The following ATOSB variants were observed in gnomAD, a reference collection of about 807,000 sequenced individuals.
ATOSB encodes the protein atos homolog B, also known as atos homolog protein B.
chr9:35,114,385 C>G, the ATOSB span, among the ~76,000 whole-genome samples: 2 of 149,664 alleles, frequency 1.3e-5, no homozygotes, highest in Admixed American at 6.6e-5. Context: ...AGACCCACCC[C>G]CCTCCCCAGC....
At chr9:35,106,968 C>A in the ATOSB span, 1 of 1,288,464 alleles carries the variant, frequency 7.8e-7, no homozygotes, top group Admixed American at 2.0e-5. The surrounding 1 kb of genome is among the most constrained non-coding windows in gnomAD (Gnocchi z 4.6). Context: ...ATCACAAACT[C>A]TCAAAGGAAC....
At chr9:35,107,998 G>T in the ATOSB span, 10 of 1,580,384 alleles carry the variant, frequency 6.3e-6, no homozygotes, top group Admixed American at 5.5e-5. Context: ...GGTTCTTCAG[G>T]GGGTAGTCCC....
chr9:35,108,830 CCTT>C, the ATOSB span: 1 of 280,580 alleles, frequency 3.6e-6, no homozygotes, highest in African/African-American at 2.3e-5. Context: ...TCCAGGACAT[CCTT>C]CTCCCATGTG....
the ATOSB span, among the ~76,000 whole-genome samples, chr9:35,107,179 T>A: frequency 6.6e-6 from 1 of 151,612 alleles, no homozygotes; most frequent in Non-Finnish European, 1.5e-5. Flanking sequence ...AAAAATTAGC[T>A]GGGTGCAATG....
chr9:35,111,914 GCCCTTCC>G, the ATOSB span, among the ~76,000 whole-genome samples: 1 of 152,088 alleles, frequency 6.6e-6, no homozygotes, highest in South Asian at 2.1e-4. Flanking sequence ...CTACTCCCCC[GCCCTTCC>G]TCCTTCCAGG....
the ATOSB span, chr9:35,107,518 C>T: frequency 1.2e-6 from 2 of 1,601,054 alleles, no homozygotes; most frequent in Non-Finnish European, 1.7e-6. Context: ...TCAGAGCTGA[C>T]ATCTGGGGCT....
chr9:35,106,086 A>T, the ATOSB span: 1 of 1,534,662 alleles, frequency 6.5e-7, no homozygotes, highest in Non-Finnish European at 8.9e-7. The surrounding 1 kb of genome is among the most constrained non-coding windows in gnomAD (Gnocchi z 4.6). Flanking sequence ...CCTCTCCACA[A>T]GCTCTCACCC....
chr9:35,114,284 C>T, the ATOSB span, among the ~76,000 whole-genome samples: 34 of 152,202 alleles, frequency 2.2e-4, no homozygotes, highest in Admixed American at 2.2e-3. Context: ...GTCTGGGAAG[C>T]AGTGTTGCCA....
At chr9:35,107,119 C>T in the ATOSB span, among the ~76,000 whole-genome samples, 1 of 151,842 alleles carries the variant, frequency 6.6e-6, no homozygotes, top group Non-Finnish European at 1.5e-5. Context: ...CTCAGGAGTT[C>T]GAGACCAGCT....
the ATOSB span, among the ~76,000 whole-genome samples, chr9:35,113,238 G>A: frequency 6.6e-6 from 1 of 152,186 alleles, no homozygotes; most frequent in Non-Finnish European, 1.5e-5. Flanking sequence ...CCAGGCCTTG[G>A]TTACCTACAA....
the ATOSB span, chr9:35,108,419 A>T: frequency 1.4e-6 from 2 of 1,406,104 alleles, no homozygotes; most frequent in Non-Finnish European, 1.8e-6. Flanking sequence ...GCTGAGTTTC[A>T]GACCCTCTCC....
At chr9:35,106,170 GA>G in the ATOSB span, 1 of 1,582,032 alleles carries the variant, frequency 6.3e-7, no homozygotes, top group Non-Finnish European at 8.6e-7. This position sits in a 1 kb window ranked among gnomAD's most constrained non-coding sequence, Gnocchi z 4.6. Context: ...GAATAAGTAA[GA>G]AATACCTCTT....
the ATOSB span, chr9:35,106,566 A>G: frequency 4.4e-6 from 7 of 1,574,156 alleles, no homozygotes; most frequent in Non-Finnish European, 6.0e-6. This position sits in a 1 kb window ranked among gnomAD's most constrained non-coding sequence, Gnocchi z 4.6. Flanking sequence ...GGTACGGCTG[A>G]CAGCAGGGGT....
At chr9:35,111,133 CCTT>C in the ATOSB span, 13 of 154,128 alleles carry the variant, frequency 8.4e-5, no homozygotes, top group African/African-American at 2.4e-4. Context: ...CTCCTGGACT[CCTT>C]CTTCTGGACG....
the ATOSB span, among the ~76,000 whole-genome samples, chr9:35,112,975 G>C: frequency 6.6e-6 from 1 of 152,062 alleles, no homozygotes; most frequent in Non-Finnish European, 1.5e-5. Flanking sequence ...CCTCACCCTA[G>C]ACCACCCTTT....
the ATOSB span, chr9:35,104,468 CAGGT>C: frequency 0.013 from 2,420 of 181,846 alleles, 62 homozygotes; most frequent in African/African-American, 0.055. Context: ...CAAGGAGACA[CAGGT>C]AGGAGGAGAG....
chr9:35,114,786 C>T, the ATOSB span, among the ~76,000 whole-genome samples: 1 of 152,268 alleles, frequency 6.6e-6, no homozygotes, highest in Admixed American at 6.5e-5. Context: ...GCGTTCCCTA[C>T]CCAGAAGGAT....
chr9:35,112,634 T>C, the ATOSB span, among the ~76,000 whole-genome samples: 4 of 152,144 alleles, frequency 2.6e-5, no homozygotes, highest in African/African-American at 9.7e-5. Context: ...AGAGGTAAAC[T>C]AAGAAAAGCA....
At chr9:35,105,198 G>A in the ATOSB span, 9 of 1,595,466 alleles carry the variant, frequency 5.6e-6, no homozygotes, top group Non-Finnish European at 6.9e-6. The surrounding 1 kb of genome is among the most constrained non-coding windows in gnomAD (Gnocchi z 5.5). Flanking sequence ...TCATTAGCCC[G>A]CATGGGTTCA....
Sources: gnomAD v4.1 joint callset for allele counts (sites outside exome capture counted in the v4.1 genomes callset) on GRCh38, gnomAD v4.1.1 for gene constraint, Gnocchi (gnomAD v3.1) non-coding constraint, MANE v1.5 for transcripts, NCBI Gene and HGNC (gene_info 2026-07-23, HGNC 2026-07-21) for gene names.